Variants in UBAP1 observed in about 807,000 individuals in gnomAD.
The protein encoded by UBAP1 is ubiquitin-associated protein 1.
Under a neutral mutation model 39.0 loss-of-function variants are expected in UBAP1, and 5 were observed. The observed-to-expected ratio is 0.13, with a 90% CI of 0.07 to 0.27. UBAP1 has a LOEUF of 0.27. UBAP1 is among the 10% of genes least tolerant of loss of function. The pLI is 1.00. For missense variants in UBAP1, 490 were observed against 608.1 expected (o/e 0.81, Z 2.04); for synonymous variants, 211 against 225.1 (o/e 0.94, Z 0.56).
chr9:34,180,564 TAAAAG>T (rs1182252024), intron 1 of UBAP1, among the ~76,000 whole-genome samples: 1 of 152,148 alleles, frequency 6.6e-6, no homozygotes, highest in Non-Finnish European at 1.5e-5. Flanking sequence ...TGTCAAGTCT[TAAAAG>T]AATTACATTG....
chr9:34,223,224 A>G (rs1191493732), intron 2 of UBAP1, among the ~76,000 whole-genome samples: 1 of 152,032 alleles, frequency 6.6e-6, no homozygotes, highest in Non-Finnish European at 1.5e-5. Context: ...TGAGGTCAGG[A>G]GTTCAAGACC....
In UBAP1 at chr9:34,179,075, A is replaced by G; in HGVS notation, c.-173A>G. 1 of 1,278,932 alleles carries G rather than the reference A, an allele frequency of 7.8e-7. No individual in the cohort carries two copies. Among genetic ancestry groups the G allele is most frequent in the Non-Finnish European group, 9.9e-7 (1 of 1,010,922 alleles). The allele number at this position is 1,278,932 out of a possible 1,614,324, so 79.2% of individuals were successfully genotyped here. Reference sequence around the variant, plus strand: ...AGGACTTCAACATGGCGGCTGCGGCACTGGCGGTGGCTACGGTGACGGCCT... The same window carrying G: ...AGGACTTCAACATGGCGGCTGCGGCGCTGGCGGTGGCTACGGTGACGGCCT... On this transcript the variant is annotated 5_prime_UTR_variant, in exon 1 of 7. Coordinates refer to ENST00000297661, the MANE Select transcript of UBAP1 (RefSeq NM_016525.5).
intron 1 of UBAP1, among the ~76,000 whole-genome samples, chr9:34,192,101 C>T (rs1030430741): frequency 1.3e-5 from 2 of 151,722 alleles, no homozygotes; most frequent in Non-Finnish European, 2.9e-5. Flanking sequence ...TCCATGGCCT[C>T]CTAAAGTACT....
At chr9:34,186,146 A>T (rs572496293) in intron 1 of UBAP1, among the ~76,000 whole-genome samples, 1 of 152,344 alleles carries the variant, frequency 6.6e-6, no homozygotes, top group African/African-American at 2.4e-5. Flanking sequence ...TTCTCATTGA[A>T]ATAATAGTGT....
At chr9:34,223,616 G>A (rs1832879371) in intron 2 of UBAP1, among the ~76,000 whole-genome samples, 1 of 152,034 alleles carries the variant, frequency 6.6e-6, no homozygotes, top group Admixed American at 6.6e-5. Context: ...ACCATGCCCA[G>A]CTAATTTTTT....
intron 1 of UBAP1, among the ~76,000 whole-genome samples, chr9:34,191,329 T>G (rs1010831928): frequency 7.9e-5 from 12 of 152,186 alleles, no homozygotes; most frequent in African/African-American, 2.7e-4. Context: ...ACTTCTGGCC[T>G]CAAGCAGTCT....
At chr9:34,227,820 G>C (rs971841819) in intron 2 of UBAP1, among the ~76,000 whole-genome samples, 1 of 152,186 alleles carries the variant, frequency 6.6e-6, no homozygotes. Context: ...GGTTGAGGCA[G>C]AAAATTGTTA....
intron 1 of UBAP1, among the ~76,000 whole-genome samples, chr9:34,202,857 T>C (rs1831477897): frequency 6.6e-6 from 1 of 152,144 alleles, no homozygotes; most frequent in Non-Finnish European, 1.5e-5. Flanking sequence ...AATAGCATTA[T>C]CCTACCTATA....
At chr9:34,239,242 G>T (rs1833845458) in intron 3 of UBAP1, among the ~76,000 whole-genome samples, 1 of 152,156 alleles carries the variant, frequency 6.6e-6, no homozygotes, top group African/African-American at 2.4e-5. Context: ...ACAGGGTTTT[G>T]CCATGTTGAC....
chr9:34,233,983 C>T (rs1010056656), intron 2 of UBAP1, among the ~76,000 whole-genome samples: 1 of 152,152 alleles, frequency 6.6e-6, no homozygotes, highest in African/African-American at 2.4e-5. Flanking sequence ...GATGTGAGTA[C>T]TTTGGCTTTT....
At chr9:34,224,925 C>T (rs78825155) in intron 2 of UBAP1, among the ~76,000 whole-genome samples, 3,820 of 152,244 alleles carry the variant, frequency 0.025, 119 homozygotes, top group East Asian at 0.15. Flanking sequence ...GCTTTCTTGG[C>T]CTAATAGTGT....
chr9:34,211,194 A>G (rs1331976207), intron 1 of UBAP1, among the ~76,000 whole-genome samples: 11 of 152,148 alleles, frequency 7.2e-5, no homozygotes, highest in East Asian at 3.8e-4. Context: ...TATTCAGTCT[A>G]CTACCTTTAT....
chr9:34,185,596 G>C (rs1468372246), intron 1 of UBAP1, among the ~76,000 whole-genome samples: 2 of 151,600 alleles, frequency 1.3e-5, no homozygotes, highest in Non-Finnish European at 2.9e-5. Context: ...CTGTAATCCT[G>C]GCACTTGGGG....
chr9:34,188,423 C>CAT (rs1261307130), intron 1 of UBAP1, among the ~76,000 whole-genome samples: 2 of 117,210 alleles, frequency 1.7e-5, no homozygotes, highest in Non-Finnish European at 3.4e-5. Flanking sequence ...TAGTCTTCAG[C>CAT]TTTTTTTTTT....
chr9:34,218,907 TG>T (rs903245137), intron 1 of UBAP1, among the ~76,000 whole-genome samples: 4 of 152,168 alleles, frequency 2.6e-5, no homozygotes, highest in Non-Finnish European at 2.9e-5. Context: ...CACTCCAGCC[TG>T]GGTGACAGCA....
intron 1 of UBAP1, among the ~76,000 whole-genome samples, chr9:34,196,943 A>G (rs1406208690): frequency 2.2e-5 from 2 of 91,734 alleles, no homozygotes; most frequent in Non-Finnish European, 5.0e-5. Flanking sequence ...TGTGTTTTTA[A>G]TTGAGATGGA....
rs1403250697 is a variant in UBAP1, at chr9:34,220,464, A to T, written c.-7-444A>T. On this transcript the variant is annotated intron_variant, in intron 1 of 6. Transcript: ENST00000297661. ...CTCAGCCTCCCAAGTAGCTGGGACT[A>T]CAGGTGTATGCCAACACACCCAGCT... 1.9e-5 allele frequency: 3 copies of T among 155,404 alleles called. No homozygotes were observed. In the Admixed American group the frequency reaches 1.9e-4, roughly 10 times the overall value. The allele number at this position is 155,404 out of a possible 1,614,324, so 9.6% of individuals were successfully genotyped here. A position where few individuals can be genotyped will look rare whatever the true frequency, so the allele number is the denominator to read the frequency against.
At chr9:34,248,782 A>C (rs1426780703) in intron 4 of UBAP1, among the ~76,000 whole-genome samples, 1 of 152,184 alleles carries the variant, frequency 6.6e-6, no homozygotes, top group Non-Finnish European at 1.5e-5. Flanking sequence ...TCTAGGACAG[A>C]GGGCTTCCTA....
chr9:34,195,416 G>T (rs922211337), intron 1 of UBAP1, among the ~76,000 whole-genome samples: 4 of 151,976 alleles, frequency 2.6e-5, no homozygotes, highest in African/African-American at 9.7e-5. Flanking sequence ...TTGTTGAAAA[G>T]ATTACCCTTT....
Sources: gnomAD v4.1 joint callset for allele counts (sites outside exome capture counted in the v4.1 genomes callset) on GRCh38, gnomAD v4.1.1 for gene constraint, MANE v1.5 for transcripts, NCBI Gene and HGNC (gene_info 2026-07-23, HGNC 2026-07-21) for gene names.